LMO7: variants seen among roughly 807,000 people sequenced by gnomAD.
LMO7 encodes LIM domain 7.
Under a neutral mutation model 206.5 loss-of-function variants are expected in LMO7, and 120 were observed. The observed-to-expected ratio is 0.58, with a 90% CI of 0.50 to 0.68. The LOEUF is 0.68. LMO7 is among the 30% of genes least tolerant of loss of function. The pLI is 0.00. For missense variants in LMO7, 1,959 were observed against 1,957.9 expected (o/e 1.00, Z -0.01); for synonymous variants, 706 against 681.5 (o/e 1.04, Z -0.56).
chr13:75,657,866 T>A (rs1412566981), intron 1 of LMO7, among the ~76,000 whole-genome samples: 1 of 152,250 alleles, frequency 6.6e-6, no homozygotes, highest in Non-Finnish European at 1.5e-5. Flanking sequence ...ACAGATTCTT[T>A]GCTTTGATGT....
At chr13:75,709,355 T>A (rs535642404) in intron 1 of LMO7, among the ~76,000 whole-genome samples, 4 of 152,276 alleles carry the variant, frequency 2.6e-5, no homozygotes, top group Non-Finnish European at 5.9e-5. Context: ...TACTTCAAGA[T>A]CCCTGAGGAA....
chr13:75,797,757 G>A (rs1425761652), intron 6 of LMO7, among the ~76,000 whole-genome samples: 1 of 152,170 alleles, frequency 6.6e-6, no homozygotes, highest in Non-Finnish European at 1.5e-5. Flanking sequence ...CAAGAGGTGG[G>A]ATTATAGAGC....
intron 1 of LMO7, among the ~76,000 whole-genome samples, chr13:75,692,254 G>C (rs1376758754): frequency 6.6e-6 from 1 of 152,140 alleles, no homozygotes; most frequent in Non-Finnish European, 1.5e-5. Context: ...GACTACCCAG[G>C]CCCTAGTTCT....
chr13:75,727,941 C>T (rs1290167222), intron 3 of LMO7, among the ~76,000 whole-genome samples: 1 of 152,062 alleles, frequency 6.6e-6, no homozygotes. Context: ...CATGTCCCTA[C>T]AAAGGACATG....
At chr13:75,653,568 G>A (rs904679129) in intron 1 of LMO7, among the ~76,000 whole-genome samples, 14 of 152,184 alleles carry the variant, frequency 9.2e-5, no homozygotes, top group African/African-American at 3.4e-4. Flanking sequence ...AGTGCTTTGT[G>A]CATAATACTG....
rs1159054973 is a variant in LMO7 at position 75,853,371 on chromosome 13, C to G, written c.4644C>G (p.Gly1548=). The change falls in exon 28 of 31, where the codon GGC becomes GGG. Residue 1548 remains glycine (G), a synonymous_variant. Coordinates refer to ENST00000377534, the MANE Select transcript of LMO7 (RefSeq NM_001306080.2). The stretch of plus-strand genomic sequence containing the variant: ...ATTCCCCTTCAGCTTCACAGTCAGG[C>G]TCTCAGCTGCGTAACAGGTGAGGCC... ...RSHSPSASQS[G]SQLRNRSVSG... 6.2e-7 allele frequency: 1 copy of G among 1,605,958 alleles called. No homozygotes were observed. The highest frequency in any genetic ancestry group is 1.7e-5 in the Admixed American group (1 of 59,192).
At chr13:75,683,086 A>G (rs116841061) in intron 1 of LMO7, among the ~76,000 whole-genome samples, 3,165 of 134,970 alleles carry the variant, frequency 0.023, 52 homozygotes, top group Middle Eastern at 0.045. Flanking sequence ...TTTGAGATGG[A>G]GTTCTGCTCT....
At chr13:75,812,439 C>A (rs938392814) in intron 11 of LMO7, among the ~76,000 whole-genome samples, 3 of 152,116 alleles carry the variant, frequency 2.0e-5, no homozygotes, top group Non-Finnish European at 4.4e-5. Context: ...GTTGGGGAGC[C>A]TTAACCCTAG....
At chr13:75,709,296 C>T (rs570793709) in intron 1 of LMO7, among the ~76,000 whole-genome samples, 23 of 152,290 alleles carry the variant, frequency 1.5e-4, no homozygotes, top group Non-Finnish European at 3.1e-4. Flanking sequence ...GATTTATAAT[C>T]CTTTGGGTAT....
intron 1 of LMO7, among the ~76,000 whole-genome samples, chr13:75,691,192 TA>T (rs920143878): frequency 2.0e-5 from 3 of 152,194 alleles, no homozygotes; most frequent in Non-Finnish European, 2.9e-5. Flanking sequence ...CACAAAGCTT[TA>T]AAAAAATTAG....
chr13:75,713,297 T>C (rs754790441), intron 2 of LMO7, 45 bp downstream of exon 2: 24 of 530,790 alleles, frequency 4.5e-5, no homozygotes, highest in African/African-American at 9.8e-5. Flanking sequence ...AGCAAAGATA[T>C]GTGTGTGTGT....
At chr13:75,623,447 T>A in intron 2 of LMO7, 1 of 587,936 alleles carries the variant, frequency 1.7e-6, no homozygotes, top group Non-Finnish European at 3.1e-6. Flanking sequence ...CACTGCAACC[T>A]CTGCCTCCCG....
Position 75,808,020 on chromosome 13 carries a change from T to G in LMO7, c.1737T>G (p.Pro579=), listed in dbSNP as rs2055773741. The change falls in exon 10 of 31, where the codon CCT becomes CCG. Residue 579 remains proline, a synonymous_variant. Transcript: ENST00000377534. ...EKSNSCRILV[P]SYRQKKDDML... ...GTAATAGCTGTAGAATATTAGTTCC[T>G]TCATATCGGCAGAAGAAAGATGACA... 1 of 1,613,938 alleles carries G rather than the reference T, an allele frequency of 6.2e-7. No homozygotes were observed. The highest frequency in any genetic ancestry group is 2.2e-5 in the East Asian group (1 of 44,878).
chr13:75,795,496 C>A, intron 5 of LMO7, 65 bp downstream of exon 5: 3 of 1,137,640 alleles, frequency 2.6e-6, no homozygotes, highest in Middle Eastern at 2.0e-4. Context: ...TGTAAGAAGG[C>A]AGTGAATCTA....
rs777455952 is a variant in LMO7 at position 75,807,917 on chromosome 13, AACCCTGG to A, written c.1637_1643del (p.Pro546LeufsTer30). The A allele has an allele frequency of 6.2e-7, 1 of 1,613,954 alleles. No homozygotes were observed. Among genetic ancestry groups the A allele is most frequent in the Non-Finnish European group, 8.5e-7 (1 of 1,179,870 alleles). ...AGATACCACCCAGTCCCTTTTCCCGAACCCTGGACTCTTCCTCCAGAAATTCAAGCAA... is the reference window on the plus strand; with the variant it reads ...AGATACCACCCAGTCCCTTTTCCCGAACTCTTCCTCCAGAAATTCAAGCAA... On this transcript the variant is annotated frameshift_variant, in exon 10 of 31. Coordinates refer to ENST00000377534, the MANE Select transcript of LMO7 (RefSeq NM_001306080.2). LOFTEE classifies it high-confidence loss of function.
At chr13:75,690,091 CTTATTT>C (rs1312449435) in intron 1 of LMO7, among the ~76,000 whole-genome samples, 3 of 150,106 alleles carry the variant, frequency 2.0e-5, no homozygotes, top group African/African-American at 2.5e-5. Flanking sequence ...AACAGTTCTA[CTTATTT>C]TTATTTTTAT....
intron 1 of LMO7, among the ~76,000 whole-genome samples, chr13:75,703,714 TTGTGTGTGTGTG>T (rs139490120): frequency 6.8e-6 from 1 of 147,584 alleles, no homozygotes; most frequent in Non-Finnish European, 1.5e-5. Flanking sequence ...TTCAGGTTCT[TTGTGTGTGTGTG>T]TGTGTGTGTG....
intron 3 of LMO7, among the ~76,000 whole-genome samples, chr13:75,756,772 G>A (rs1019475145): frequency 6.6e-6 from 1 of 152,154 alleles, no homozygotes; most frequent in African/African-American, 2.4e-5. Context: ...CATACTTAAG[G>A]AATTACACCT....
chr13:75,793,029 G>A (rs960483007), intron 4 of LMO7, among the ~76,000 whole-genome samples: 2 of 152,140 alleles, frequency 1.3e-5, no homozygotes, highest in Non-Finnish European at 2.9e-5. Context: ...GGGTTCAAGA[G>A]AGCTCTGTTT....
Sources: allele counts gnomAD v4.1 joint callset (sites outside exome capture counted in the v4.1 genomes callset), GRCh38; gene constraint gnomAD v4.1.1; transcripts MANE v1.5; gene names NCBI Gene and HGNC (gene_info 2026-07-23, HGNC 2026-07-21).